FAM174A: variants seen among roughly 807,000 people sequenced by gnomAD.
The protein encoded by FAM174A is membrane protein FAM174A.
Under a neutral mutation model 14.3 loss-of-function variants are expected in FAM174A, and 14 were observed. The observed-to-expected ratio is 0.98, with a 90% CI of 0.65 to 1.53. The LOEUF is 1.53. Among genes scored for constraint, FAM174A ranks in the 40% most tolerant of loss-of-function variants. The pLI is 0.00. For synonymous variants in FAM174A, 108 were observed against 111.4 expected (o/e 0.97, Z 0.19); for missense variants, 241 against 249.6 (o/e 0.97, Z 0.23).
At chr5:100,570,325 A>G (rs145600955) in intron 2 of FAM174A, among the ~76,000 whole-genome samples, 212 of 152,038 alleles carry the variant, frequency 1.4e-3, no homozygotes, top group Non-Finnish European at 2.4e-3. Context: ...TGACTTTTTA[A>G]TTCAATGGGC....
At chr5:100,550,771 C>T (rs1344066699) in intron 1 of FAM174A, among the ~76,000 whole-genome samples, 1 of 152,160 alleles carries the variant, frequency 6.6e-6, no homozygotes, top group Non-Finnish European at 1.5e-5. Context: ...TTTAAGCTGA[C>T]AGCTGAAAGA....
At chr5:100,571,413 C>G (rs1387739583) in intron 2 of FAM174A, among the ~76,000 whole-genome samples, 2 of 151,366 alleles carry the variant, frequency 1.3e-5, no homozygotes, top group Non-Finnish European at 3.0e-5. Context: ...TGTTACTTCT[C>G]ATGTAATTGT....
At chr5:100,561,085 A>C (rs965727817) in intron 1 of FAM174A, among the ~76,000 whole-genome samples, 3 of 151,964 alleles carry the variant, frequency 2.0e-5, no homozygotes, top group African/African-American at 7.2e-5. Context: ...AATAAACCCC[A>C]CATAAACATA....
chr5:100,537,741 T>G (rs1246210875), intron 1 of FAM174A, among the ~76,000 whole-genome samples: 1 of 152,166 alleles, frequency 6.6e-6, no homozygotes, highest in African/African-American at 2.4e-5. Context: ...ACAAATTATT[T>G]TCCTCACTAT....
At chr5:100,537,460 A>C (rs1219065854) in intron 1 of FAM174A, among the ~76,000 whole-genome samples, 1 of 152,160 alleles carries the variant, frequency 6.6e-6, no homozygotes. Context: ...GGTTTTCTCA[A>C]GTTTAATTAA....
intron 2 of FAM174A, among the ~76,000 whole-genome samples, chr5:100,565,402 A>G (rs1349033628): frequency 6.6e-6 from 1 of 151,890 alleles, no homozygotes; most frequent in Non-Finnish European, 1.5e-5. Flanking sequence ...GGGACAAAAT[A>G]TTTATAAACC....
chr5:100,556,642 T>C (rs1419544762), intron 1 of FAM174A, among the ~76,000 whole-genome samples: 2 of 152,170 alleles, frequency 1.3e-5, no homozygotes, highest in African/African-American at 4.8e-5. Flanking sequence ...TAGTTCTCCT[T>C]GAAGAGGTCC....
intron 2 of FAM174A, among the ~76,000 whole-genome samples, chr5:100,581,937 C>A (rs559259297): frequency 6.6e-6 from 1 of 152,048 alleles, no homozygotes; most frequent in Admixed American, 6.6e-5. Flanking sequence ...AGTCTCAAAA[C>A]GCCTTTCTGA....
At chr5:100,538,489 T>A (rs1028971708) in intron 1 of FAM174A, among the ~76,000 whole-genome samples, 12 of 152,040 alleles carry the variant, frequency 7.9e-5, no homozygotes. Flanking sequence ...AGTCAGGTTC[T>A]CACTGTAGAA....
At chr5:100,573,695 T>C (rs1049252364) in intron 2 of FAM174A, among the ~76,000 whole-genome samples, 6 of 149,826 alleles carry the variant, frequency 4.0e-5, no homozygotes, top group Non-Finnish European at 8.8e-5. Context: ...AAGCTATCAA[T>C]GACTTTCTTC....
chr5:100,556,458 G>A (rs997760770), intron 1 of FAM174A, among the ~76,000 whole-genome samples: 14 of 152,112 alleles, frequency 9.2e-5, no homozygotes, highest in African/African-American at 3.4e-4. Context: ...CTTTAAAGTA[G>A]TTTTTTCCAG....
chr5:100,570,514 A>C (rs1746757917), intron 2 of FAM174A, among the ~76,000 whole-genome samples: 1 of 151,976 alleles, frequency 6.6e-6, no homozygotes, highest in Admixed American at 6.6e-5. Context: ...AAATTGGAAG[A>C]AAAAGTCTAT....
intron 2 of FAM174A, among the ~76,000 whole-genome samples, chr5:100,574,973 T>G (rs1712274374): frequency 1.3e-5 from 2 of 152,178 alleles, no homozygotes; most frequent in Admixed American, 1.3e-4. Flanking sequence ...GTAGTTCCTA[T>G]TGTTCTCATT....
intron 1 of FAM174A, among the ~76,000 whole-genome samples, chr5:100,556,012 T>G (rs1746371149): frequency 6.6e-6 from 1 of 152,224 alleles, no homozygotes; most frequent in African/African-American, 2.4e-5. Flanking sequence ...CATGAAGTCC[T>G]TGTCGGTGCC....
chr5:100,574,412 T>A (rs559187302), intron 2 of FAM174A, among the ~76,000 whole-genome samples: 12 of 152,068 alleles, frequency 7.9e-5, no homozygotes, highest in Non-Finnish European at 1.5e-4. Flanking sequence ...GGTCTCAAAC[T>A]CCTGGGCTCA....
At chr5:100,572,673 C>A (rs1189627742) in intron 2 of FAM174A, among the ~76,000 whole-genome samples, 4 of 151,956 alleles carry the variant, frequency 2.6e-5, no homozygotes, top group African/African-American at 9.7e-5. Flanking sequence ...TGGGTTGATT[C>A]CAAGTCTTTG....
At chr5:100,560,109 C>T (rs1746493173) in intron 1 of FAM174A, among the ~76,000 whole-genome samples, 1 of 151,958 alleles carries the variant, frequency 6.6e-6, no homozygotes, top group African/African-American at 2.4e-5. Context: ...ATGATGGTGA[C>T]GTACAGATGG....
In FAM174A at chr5:100,549,167, G is replaced by C. The variant is rs73774435; in HGVS notation, c.435-12887G>C. On this transcript the variant is annotated intron_variant, in intron 1 of 2. Coordinates refer to ENST00000312637, the MANE Select transcript of FAM174A (RefSeq NM_198507.3). ...GGAGATTATAGGATAATTCTGAAAG[G>C]GTTGGTCATAGAACCAGTGAGAGGC... Among the ~76,000 whole-genome samples, 1,338 of 152,094 alleles carry C rather than the reference G, an allele frequency of 8.8e-3. 21 individuals are homozygous for C. Among genetic ancestry groups the C allele is most frequent in the African/African-American group, 0.031 (1,278 of 41,504 alleles).
chr5:100,542,486 T>C (rs999779296), intron 1 of FAM174A, among the ~76,000 whole-genome samples: 3 of 152,222 alleles, frequency 2.0e-5, no homozygotes, highest in Non-Finnish European at 2.9e-5. Context: ...ATGAGCTCAA[T>C]TGACCTTACA....
Sources: allele counts gnomAD v4.1 joint callset (sites outside exome capture counted in the v4.1 genomes callset), GRCh38; gene constraint gnomAD v4.1.1; transcripts MANE v1.5; gene names NCBI Gene and HGNC (gene_info 2026-07-23, HGNC 2026-07-21).